Variants in HAUS3 observed in about 807,000 individuals in gnomAD.
HAUS3 encodes the protein HAUS augmin-like complex subunit 3.
HAUS3 carries 36 observed loss-of-function variants against 55.2 expected under a neutral mutation model. The ratio of observed to expected loss-of-function variants is 0.65; its 90% CI spans 0.50 to 0.86. HAUS3 has a LOEUF of 0.86. Ranked by LOEUF, HAUS3 falls within the 40% of genes least tolerant of loss-of-function variation. The pLI, the probability that HAUS3 is intolerant of heterozygous loss-of-function variation, is 0.00. For synonymous variants in HAUS3, 234 were observed against 238.6 expected, an observed-to-expected ratio of 0.98 and a Z score of 0.18; for missense variants, 752 against 671.5, an observed-to-expected ratio of 1.12 and a Z score of -1.33.
In HAUS3 at chr4:2,229,416, C is replaced by G. The variant is rs1288450945; in HGVS notation, c.*2511G>C. On this transcript the variant is annotated 3_prime_UTR_variant, in exon 6 of 6. Transcript: ENST00000443786. The stretch of plus-strand genomic sequence containing the variant: ...AATAATATAGATAGAAAGAAAAAAG[C>G]AAAATAGCTAGAGGCTTAATCCAGG... 1 of 497,906 alleles carries G rather than the reference C, an allele frequency of 2.0e-6. No homozygotes were observed. Among genetic ancestry groups the G allele is most frequent in the African/African-American group, 2.0e-5 (1 of 49,584 alleles). 30.8% of individuals were successfully genotyped at this position (497,906 alleles called of 1,614,324 possible).
chr4:2,236,434 C>G lies in HAUS3; in HGVS notation c.1372G>C (p.Glu458Gln), dbSNP rs1417250387. The change falls in exon 5 of 6, where the codon GAG becomes CAG. Residue 458 changes from glutamate to glutamine, a missense_variant. Glu to Gln is a conservative substitution (Grantham distance 29). Coordinates refer to ENST00000443786, the MANE Select transcript of HAUS3 (RefSeq NM_001303143.2). ...THRLYQVLEG[E>Q]NKKKELFLTH... ...AGAAACAATTCTTTTTTCTTATTCT[C>G]TCCCTCCAAAACTTGGTAAAGCCTG... The G allele has an allele frequency of 5.0e-6, 8 of 1,611,668 alleles. No individual in the cohort carries two copies. In the Admixed American group the frequency reaches 1.3e-4, roughly 27 times the overall value.
At position 2,239,026 on chromosome 4, in the gene HAUS3, AT is replaced by A; in HGVS notation, c.926del (p.Asn309IlefsTer9). 2.6e-6 allele frequency: 4 copies of A among 1,531,782 alleles called. No homozygotes were observed. In the South Asian group the frequency reaches 5.2e-5, roughly 20 times the overall value. 94.9% of individuals were successfully genotyped at this position (1,531,782 alleles called of 1,614,324 possible). On this transcript the variant is annotated frameshift_variant, in exon 4 of 6. Coordinates refer to ENST00000443786, the MANE Select transcript of HAUS3 (RefSeq NM_001303143.2). LOFTEE classifies it high-confidence loss of function. ...SLTSKAVDKENLDAKISSLTS... is the reference protein window; with the variant it reads ...SLTSKAVDKEXLDAKISSLTS... ...TCAAGCTAGAAATTTTAGCATCCAA[AT>A]TTTCTTTGTCCACAGCCTATACAAA...
Position 2,241,053 on chromosome 4 carries a change from G to T in HAUS3, c.-107C>A. 2.5e-6 allele frequency: 2 copies of T among 784,336 alleles called. No homozygotes were observed. The highest frequency in any genetic ancestry group is 4.1e-6 in the Non-Finnish European group (2 of 488,228). 48.6% of individuals were successfully genotyped at this position (784,336 alleles called of 1,614,324 possible). On this transcript the variant is annotated 5_prime_UTR_variant, in exon 3 of 6. It adds an upstream start codon to the 5' untranslated region. Coordinates refer to ENST00000443786, the MANE Select transcript of HAUS3 (RefSeq NM_001303143.2). ...AGCTACGTTTTATACCAAGTCCACA[G>T]AGAAGGGAAAATATATTTTTAGAAT... is the stretch of plus-strand genomic sequence containing the variant.
chr4:2,236,467 A>G lies in HAUS3; in HGVS notation c.1350-11T>C. ...AAAACTTGGTAAAGCCTGAAATGTA[A>G]AAATTAAAATTATAGGGAAAAATTA... On this transcript the variant is annotated splice_polypyrimidine_tract_variant and intron_variant, in intron 4 of 5. Coordinates refer to ENST00000443786, the MANE Select transcript of HAUS3 (RefSeq NM_001303143.2). The G allele has an allele frequency of 6.4e-7, 1 of 1,554,232 alleles. No homozygotes were observed. The highest frequency in any genetic ancestry group is 8.9e-7 in the Non-Finnish European group (1 of 1,128,870).
chr4:2,232,916 C>T (rs528769866), intron 5 of HAUS3, among the ~76,000 whole-genome samples: 56 of 152,256 alleles, frequency 3.7e-4, no homozygotes, highest in African/African-American at 1.3e-3. Context: ...TCCACAGCTT[C>T]TAGGCATAGT....
intron 4 of HAUS3, among the ~76,000 whole-genome samples, chr4:2,237,142 T>C (rs1444167088): frequency 6.6e-6 from 1 of 152,070 alleles, no homozygotes. Context: ...TCTCATAGAA[T>C]ATAACTATGA....
chr4:2,238,736 T>G lies in HAUS3; in HGVS notation c.1217A>C (p.Glu406Ala), dbSNP rs1327303925. The change falls in exon 4 of 6, where the codon GAA becomes GCA. Residue 406 changes from glutamate to alanine, a missense_variant. Coordinates refer to ENST00000443786, the MANE Select transcript of HAUS3 (RefSeq NM_001303143.2). ...RKHRDIYRQL[E>A]NLVQELSQSN... is the part of the protein sequence containing the mutation. ...TTGACTAAGTTCTTGAACCAAATTT[T>G]CAAGTTGACGATATATGTCCCGATG... 6 of 1,613,874 alleles carry G rather than the reference T, an allele frequency of 3.7e-6. No homozygotes were observed. The South Asian group carries it at 6.6e-5, about 18-fold the overall frequency.
intron 4 of HAUS3, among the ~76,000 whole-genome samples, chr4:2,237,412 G>A (rs1734805441): frequency 6.6e-6 from 1 of 151,472 alleles, no homozygotes; most frequent in Non-Finnish European, 1.5e-5. Flanking sequence ...CTCCTACCTA[G>A]GCAAGAGAGT....
intron 3 of HAUS3, among the ~76,000 whole-genome samples, chr4:2,239,803 T>C (rs115351378): frequency 0.01 from 1,560 of 152,322 alleles, 32 homozygotes; most frequent in African/African-American, 0.034. Context: ...AGCACTTTTG[T>C]TTAAAATAAA....
chr4:2,230,355 A>G lies in HAUS3; in HGVS notation c.*1572T>C, dbSNP rs1198328838. 1 of 152,156 alleles carries G rather than the reference A, an allele frequency of 6.6e-6. No individual in the cohort carries two copies. The highest frequency in any genetic ancestry group is 1.5e-5 in the Non-Finnish European group (1 of 67,996). 9.4% of individuals were successfully genotyped at this position (152,156 alleles called of 1,614,324 possible). A position where few individuals can be genotyped will look rare whatever the true frequency, so the allele number is the denominator to read the frequency against. On this transcript the variant is annotated 3_prime_UTR_variant, in exon 6 of 6. Transcript: ENST00000443786. ...ATCTAAATATGTGACACTAATTTAA[A>G]CAGAATATGCTACCATAAACCAGGA...
intron 5 of HAUS3, chr4:2,234,645 G>T (rs926391134): frequency 2.0e-5 from 3 of 152,052 alleles, no homozygotes; most frequent in Non-Finnish European, 4.4e-5. Flanking sequence ...GTAAAGAAAA[G>T]AAAACTATAT....
In HAUS3 at chr4:2,231,876, T is replaced by C; in HGVS notation, c.*51A>G. On this transcript the variant is annotated 3_prime_UTR_variant, in exon 6 of 6. Transcript: ENST00000443786. Reference sequence around the variant, plus strand: ...TTAGTAGTGTTTATTATACACAGTCTTCTAATAAATAAAAGAGGACACGTA... The same window carrying C: ...TTAGTAGTGTTTATTATACACAGTCCTCTAATAAATAAAAGAGGACACGTA... 1.3e-6 allele frequency: 1 copy of C among 796,350 alleles called. No homozygotes were observed. Among genetic ancestry groups the C allele is most frequent in the Non-Finnish European group, 2.1e-6 (1 of 485,074 alleles). 49.3% of individuals were successfully genotyped at this position (796,350 alleles called of 1,614,324 possible). A position where few individuals can be genotyped will look rare whatever the true frequency, so the allele number is the denominator to read the frequency against.
rs372049466 is a variant in HAUS3, at chr4:2,240,356, T to A, written c.591A>T (p.Gln197His). 5.0e-6 allele frequency: 8 copies of A among 1,601,982 alleles called. No homozygotes were observed. The highest frequency in any genetic ancestry group is 6.8e-6 in the Non-Finnish European group (8 of 1,172,690). The stretch of plus-strand genomic sequence containing the variant: ...GACTTAGGTATTTTTCCAAGGAAAA[T>A]TGCGATAAAAATACCAGTGGATTTG... ...QGTNPLVFLS[Q>H]FSLEKYLSQE... Residue 197 changes from glutamine to histidine, a missense_variant, in exon 3 of 6, where the codon CAA becomes CAT. By Grantham distance (24) the Gln-to-His change is conservative (BLOSUM62 0). Transcript: ENST00000443786.
Position 2,238,879 on chromosome 4 carries a change from C to A in HAUS3, c.1074G>T (p.Leu358=), listed in dbSNP as rs760223352. 6.2e-7 allele frequency: 1 copy of A among 1,612,994 alleles called. No homozygotes were observed. Among genetic ancestry groups the A allele is most frequent in the African/African-American group, 1.3e-5 (1 of 74,872 alleles). ...TATAATAATCTTGTTTAGCAATCTG[C>A]AGATCAAAATCTCCCTTTACCACTG... ...NMPVVKGDFD[L]QIAKQDYYTA... The change falls in exon 4 of 6, where the codon CTG becomes CTT. Residue 358 remains leucine, a synonymous_variant. Transcript: ENST00000443786.
At chr4:2,239,945 A>T (rs957388135) in intron 3 of HAUS3, 93 bp downstream of exon 3, 9 of 915,394 alleles carry the variant, frequency 9.8e-6, no homozygotes, top group Non-Finnish European at 1.5e-5. Context: ...CTCTTCTCAG[A>T]TGCACCATTC....
Position 2,228,937 on chromosome 4 carries a change from A to G in HAUS3, c.*2990T>C. The G allele has an allele frequency of 1.8e-6, 1 of 554,882 alleles. No individual in the cohort carries two copies. The highest frequency in any genetic ancestry group is 3.1e-5 in the East Asian group (1 of 32,444). 34.4% of individuals were successfully genotyped at this position (554,882 alleles called of 1,614,324 possible). ...TTAAAGCAATGAAGGTTAAGGGAAC[A>G]CGAAAGTTAGCAAGCAGAAGCTCAG... On this transcript the variant is annotated 3_prime_UTR_variant, in exon 6 of 6. Transcript: ENST00000443786.
rs766937246 is a variant in HAUS3 at position 2,240,032 on chromosome 4, G to A, written c.909+6C>T. On this transcript the variant is annotated splice_donor_region_variant and intron_variant, in intron 3 of 5. Coordinates refer to ENST00000443786, the MANE Select transcript of HAUS3 (RefSeq NM_001303143.2). ...ATGTGAATCCAATCTCATTTCTTAT[G>A]CTTACCTTGCTGGTTAGGCTGTGAA... 5 of 1,605,064 alleles carry A rather than the reference G, an allele frequency of 3.1e-6. No individual in the cohort carries two copies. In the South Asian group the frequency reaches 5.5e-5, roughly 18 times the overall value.
In HAUS3 at chr4:2,241,525, C is replaced by T. The variant is rs368768851; in HGVS notation, c.-153G>A. On this transcript the variant is annotated 5_prime_UTR_variant, in exon 2 of 6. Transcript: ENST00000443786. ...AAGATCAACTAAATATTTACCTCAA[C>T]GTCTCGCCGGGCAAGGCTCCACCTC... is the stretch of plus-strand genomic sequence containing the variant. 266 of 985,882 alleles carry T rather than the reference C, an allele frequency of 2.7e-4. No homozygotes were observed. The South Asian group carries it at 0.012, about 43-fold the overall frequency. 61.1% of individuals were successfully genotyped at this position (985,882 alleles called of 1,614,324 possible).
rs1292758776 is a variant in HAUS3, at chr4:2,229,195, A to G, written c.*2732T>C. ...GCAACACTGGAGAGCGGTGTATTAC[A>G]GAGATCAAAGCCTACCAATGCCTCA... On this transcript the variant is annotated 3_prime_UTR_variant, in exon 6 of 6. Transcript: ENST00000443786. 9.9e-6 allele frequency: 16 copies of G among 1,610,022 alleles called. No individual in the cohort carries two copies. The highest frequency in any genetic ancestry group is 1.4e-5 in the Non-Finnish European group (16 of 1,177,314).
Sources: allele counts gnomAD v4.1 joint callset (sites outside exome capture counted in the v4.1 genomes callset), GRCh38; gene constraint gnomAD v4.1.1; transcripts MANE v1.5; gene names NCBI Gene and HGNC (gene_info 2026-07-23, HGNC 2026-07-21).